Variants in UBE3D observed in about 807,000 individuals in gnomAD.
UBE3D encodes E3 ubiquitin-protein ligase E3D.
UBE3D carries 48 observed loss-of-function variants against 49.6 expected under a neutral mutation model. The ratio of observed to expected loss-of-function variants is 0.97; its 90% CI spans 0.77 to 1.23. The LOEUF (loss-of-function observed/expected upper bound fraction) is 1.23, where lower values mean the gene tolerates loss of function less well. UBE3D is among the 50% of genes most tolerant of loss of function. The probability of loss-of-function intolerance (pLI) is 0.00; values close to 1 mark genes in which losing one functional copy is unlikely to be tolerated. For missense variants in UBE3D, 452 were observed against 468.4 expected (o/e 0.96, Z 0.32); for synonymous variants, 189 against 174.2 (o/e 1.08, Z -0.67).
chr6:82,945,523 CAAG>C (rs1435545861), intron 9 of UBE3D, among the ~76,000 whole-genome samples: 1 of 152,108 alleles, frequency 6.6e-6, no homozygotes, highest in African/African-American at 2.4e-5. Context: ...AAAGCCTTCC[CAAG>C]AAGGACAGGT....
At chr6:82,896,564 T>C (rs1315958327) in intron 9 of UBE3D, among the ~76,000 whole-genome samples, 1 of 152,132 alleles carries the variant, frequency 6.6e-6, no homozygotes, top group Non-Finnish European at 1.5e-5. Context: ...AAAACAATCT[T>C]CTTAAACCAC....
intron 8 of UBE3D, among the ~76,000 whole-genome samples, chr6:83,014,224 G>A (rs1201977050): frequency 6.6e-6 from 1 of 152,180 alleles, no homozygotes; most frequent in Admixed American, 6.5e-5. Flanking sequence ...TAAGAGAGTT[G>A]AACAGGGATG....
chr6:82,974,874 AAT>A (rs1777607354), intron 8 of UBE3D, among the ~76,000 whole-genome samples: 1 of 152,168 alleles, frequency 6.6e-6, no homozygotes, highest in Admixed American at 6.5e-5. Flanking sequence ...TATAATGAGA[AAT>A]ATTTATGAAT....
chr6:82,887,591 C>G (rs532645471), downstream of UBE3D, among the ~76,000 whole-genome samples: 1 of 149,980 alleles, frequency 6.7e-6, no homozygotes, highest in Admixed American at 6.6e-5. Flanking sequence ...CGCCTACAAT[C>G]CCAGCTACTC....
chr6:83,038,052 T>TAA (rs78857512), intron 5 of UBE3D: 12 of 86,424 alleles, frequency 1.4e-4, no homozygotes, highest in South Asian at 3.5e-4. Flanking sequence ...AAGGTAAAAT[T>TAA]AAAAAAAAAA....
intron 9 of UBE3D, among the ~76,000 whole-genome samples, chr6:82,936,684 C>T (rs1216053785): frequency 6.6e-6 from 1 of 152,104 alleles, no homozygotes; most frequent in Non-Finnish European, 1.5e-5. Flanking sequence ...ACTGTTGATG[C>T]TAATTGCTTT....
At chr6:82,939,633 A>G (rs1012461844) in intron 9 of UBE3D, among the ~76,000 whole-genome samples, 5 of 152,220 alleles carry the variant, frequency 3.3e-5, no homozygotes, top group Non-Finnish European at 4.4e-5. Flanking sequence ...CCTAGGAGCA[A>G]TGGGCCATAC....
chr6:82,883,033 G>A, the UBE3D span, among the ~76,000 whole-genome samples: 4 of 152,138 alleles, frequency 2.6e-5, no homozygotes, highest in South Asian at 2.1e-4. Flanking sequence ...AAACAGTCAG[G>A]ACATAGAGTG....
intron 3 of UBE3D, among the ~76,000 whole-genome samples, chr6:83,045,559 T>TA (rs1220546392): frequency 2.0e-5 from 3 of 152,116 alleles, no homozygotes; most frequent in Admixed American, 2.0e-4. Context: ...TTTTTGGTGT[T>TA]ACTGCCTTTT....
chr6:83,017,518 A>G (rs1485596409), intron 8 of UBE3D: 1 of 152,174 alleles, frequency 6.6e-6, no homozygotes, highest in Non-Finnish European at 1.5e-5. Context: ...TAAAACTGAG[A>G]TGCATCCATT....
chr6:82,906,213 T>C (rs9444021), intron 9 of UBE3D, among the ~76,000 whole-genome samples: 33,741 of 152,086 alleles, frequency 0.22, 5,086 homozygotes, highest in African/African-American at 0.43. Flanking sequence ...ATAAGTCTTT[T>C]ACACTGCTTT....
chr6:83,058,589 C>T (rs371673590), intron 1 of UBE3D, among the ~76,000 whole-genome samples: 1 of 152,320 alleles, frequency 6.6e-6, no homozygotes, highest in South Asian at 2.1e-4. Flanking sequence ...GGAAATGACC[C>T]TCCTCTGAAA....
intron 3 of UBE3D, among the ~76,000 whole-genome samples, chr6:83,048,645 G>A (rs4706978): frequency 0.78 from 118,429 of 152,142 alleles, 46,251 homozygotes; most frequent in East Asian, 0.91. Context: ...GCTATAATAT[G>A]TCCTAGAACC....
Position 83,022,476 on chromosome 6 carries a change from G to A in UBE3D, c.823C>T (p.Gln275Ter). The A allele has an allele frequency of 6.2e-7, 1 of 1,603,848 alleles. No homozygotes were observed. The highest frequency in any genetic ancestry group is 1.3e-5 in the African/African-American group (1 of 74,168). Residue 275 changes from glutamine to a stop codon, truncating the protein, a stop_gained, in exon 7 of 10, where the codon CAG (glutamine) becomes TAG (stop). Coordinates refer to ENST00000369747, the MANE Select transcript of UBE3D (RefSeq NM_198920.3). LOFTEE classifies it high-confidence loss of function. ...RSTFRFTIQG[Q>*]DDKVYILLWL... ...ACCAAGATATACACTTTGTCATCCT[G>A]ACCTTGAATCGTGAATCTAAAAGTG... is the stretch of plus-strand genomic sequence containing the variant.
chr6:82,973,922 T>TG (rs1562139460), intron 8 of UBE3D, among the ~76,000 whole-genome samples: 3 of 152,142 alleles, frequency 2.0e-5, no homozygotes, highest in African/African-American at 4.8e-5. Context: ...GGATCTAGGT[T>TG]GCGCACTCCT....
At chr6:82,969,013 C>T (rs1299300801) in intron 8 of UBE3D, among the ~76,000 whole-genome samples, 3 of 152,148 alleles carry the variant, frequency 2.0e-5, no homozygotes, top group East Asian at 1.9e-4. Flanking sequence ...ATACAATTAT[C>T]GCAATTGAAA....
chr6:82,954,896 G>A (rs1776052320), intron 9 of UBE3D, among the ~76,000 whole-genome samples: 2 of 152,168 alleles, frequency 1.3e-5, no homozygotes, highest in African/African-American at 4.8e-5. Flanking sequence ...ATCTTTCCAG[G>A]GGTGACAGCA....
chr6:82,915,663 TA>T (rs1255229717), intron 9 of UBE3D, among the ~76,000 whole-genome samples: 1 of 152,202 alleles, frequency 6.6e-6, no homozygotes, highest in African/African-American at 2.4e-5. Flanking sequence ...CTTTGAATTA[TA>T]ATTTTTAAAG....
intron 8 of UBE3D, among the ~76,000 whole-genome samples, chr6:82,976,321 G>A (rs547104666): frequency 1.2e-4 from 19 of 152,300 alleles, no homozygotes; most frequent in Non-Finnish European, 1.9e-4. Context: ...AGTCTAATCA[G>A]ATGAAACAGC....
Sources: gnomAD v4.1 joint callset for allele counts (sites outside exome capture counted in the v4.1 genomes callset) on GRCh38, gnomAD v4.1.1 for gene constraint, MANE v1.5 for transcripts, NCBI Gene and HGNC (gene_info 2026-07-23, HGNC 2026-07-21) for gene names.